The following GAREM1 variants were observed in gnomAD, a reference collection of about 807,000 sequenced individuals.
GAREM1 encodes the protein GRB2 associated regulator of MAPK1 subtype 1.
Under a neutral mutation model 71.3 loss-of-function variants are expected in GAREM1, and 26 were observed. The observed-to-expected ratio is 0.36, with a 90% CI of 0.27 to 0.51. GAREM1 has a LOEUF of 0.51. Among genes scored for constraint, GAREM1 ranks in the 20% least tolerant of loss-of-function variants. The pLI, the probability that GAREM1 is intolerant of heterozygous loss-of-function variation, is 0.95. For missense variants in GAREM1, 1,026 were observed against 1,103.1 expected (o/e 0.93, Z 0.99); for synonymous variants, 440 against 433.2 (o/e 1.02, Z -0.20).
intron 1 of GAREM1, among the ~76,000 whole-genome samples, chr18:32,415,298 A>G (rs2048456749): frequency 6.6e-6 from 1 of 152,026 alleles, no homozygotes; most frequent in Admixed American, 6.6e-5. Flanking sequence ...AATACCAATC[A>G]TACTCAAACT....
At chr18:32,459,745 G>A (rs941286692) in intron 1 of GAREM1, among the ~76,000 whole-genome samples, 11 of 152,114 alleles carry the variant, frequency 7.2e-5, no homozygotes, top group Non-Finnish European at 1.6e-4. Flanking sequence ...CTGGGGACCA[G>A]AAATGACAAT....
At chr18:32,300,830 C>T (rs1000552814) in intron 3 of GAREM1, among the ~76,000 whole-genome samples, 4 of 147,398 alleles carry the variant, frequency 2.7e-5, no homozygotes, top group East Asian at 4.0e-4. Context: ...CGCTTGAACC[C>T]GAGAGGCAGA....
At chr18:32,273,118 G>A (rs567694759) in intron 4 of GAREM1, among the ~76,000 whole-genome samples, 5 of 152,180 alleles carry the variant, frequency 3.3e-5, no homozygotes, top group Admixed American at 6.5e-5. Flanking sequence ...AATGTGAGAC[G>A]ATAAGGACTC....
chr18:32,319,315 G>A (rs561377508), intron 2 of GAREM1, among the ~76,000 whole-genome samples: 1 of 152,226 alleles, frequency 6.6e-6, no homozygotes, highest in Admixed American at 6.5e-5. Flanking sequence ...GTAGGAATGT[G>A]GACTTACAAA....
chr18:32,386,504 A>G (rs2048148225), intron 2 of GAREM1, among the ~76,000 whole-genome samples: 1 of 152,184 alleles, frequency 6.6e-6, no homozygotes, highest in African/African-American at 2.4e-5. Flanking sequence ...AGATCATTTT[A>G]GCTTGTTACA....
At chr18:32,392,204 T>TG (rs1599013948) in intron 2 of GAREM1, among the ~76,000 whole-genome samples, 1 of 109,280 alleles carries the variant, frequency 9.2e-6, no homozygotes, top group East Asian at 2.9e-4. Flanking sequence ...GTAACATAAG[T>TG]TTTTTTTTTT....
At chr18:32,303,251 G>A (rs1273647643) in intron 3 of GAREM1, among the ~76,000 whole-genome samples, 1 of 152,152 alleles carries the variant, frequency 6.6e-6, no homozygotes, top group Non-Finnish European at 1.5e-5. Flanking sequence ...TGAGACTTGA[G>A]AGTAGTAATT....
intron 2 of GAREM1, among the ~76,000 whole-genome samples, chr18:32,375,645 G>A (rs1266907681): frequency 2.0e-5 from 3 of 152,174 alleles, no homozygotes; most frequent in African/African-American, 7.2e-5. Context: ...TGCAGCCAAA[G>A]TGGAAATCAT....
chr18:32,300,918 AAAAAAAAAGAAG>A (rs2047195019), intron 3 of GAREM1, among the ~76,000 whole-genome samples: 2 of 151,970 alleles, frequency 1.3e-5, no homozygotes, highest in Non-Finnish European at 2.9e-5. Flanking sequence ...AAAAAAAAAA[AAAAAAAAAGAAG>A]AAGGCACAGT....
chr18:32,335,770 T>C (rs1255900111), intron 2 of GAREM1, among the ~76,000 whole-genome samples: 2 of 152,336 alleles, frequency 1.3e-5, no homozygotes, highest in South Asian at 2.1e-4. Context: ...CTGCATAATA[T>C]AATACCTTCT....
chr18:32,395,595 C>A (rs2048245635), intron 1 of GAREM1, among the ~76,000 whole-genome samples: 1 of 151,978 alleles, frequency 6.6e-6, no homozygotes, highest in Non-Finnish European at 1.5e-5. Flanking sequence ...AGGGAATGGG[C>A]AAAAATATAA....
chr18:32,378,009 T>C (rs1240211230), intron 2 of GAREM1, among the ~76,000 whole-genome samples: 1 of 147,966 alleles, frequency 6.8e-6, no homozygotes, highest in African/African-American at 2.5e-5. Flanking sequence ...ACTTACTATA[T>C]AACTGTGTGT....
At chr18:32,352,600 G>C (rs1455651029) in intron 2 of GAREM1, among the ~76,000 whole-genome samples, 1 of 152,106 alleles carries the variant, frequency 6.6e-6, no homozygotes, top group Non-Finnish European at 1.5e-5. Context: ...AGATAAAGTG[G>C]AACAGAAAGA....
intron 1 of GAREM1, among the ~76,000 whole-genome samples, chr18:32,443,184 A>G (rs2048755932): frequency 6.6e-6 from 1 of 152,192 alleles, no homozygotes; most frequent in South Asian, 2.1e-4. Flanking sequence ...TTAAAACCAT[A>G]AAACTCTTAG....
At chr18:32,460,173 A>G (rs1306953051) in intron 1 of GAREM1, among the ~76,000 whole-genome samples, 1 of 151,996 alleles carries the variant, frequency 6.6e-6, no homozygotes, top group Non-Finnish European at 1.5e-5. Context: ...AATTGGAGAA[A>G]AAACAACAAC....
chr18:32,352,020 T>C (rs1391177405), intron 2 of GAREM1, among the ~76,000 whole-genome samples: 1 of 152,140 alleles, frequency 6.6e-6, no homozygotes, highest in Non-Finnish European at 1.5e-5. Context: ...TACAAAGTAC[T>C]TTTAGAGCCA....
At chr18:32,305,527 T>C (rs2047245236) in intron 3 of GAREM1, among the ~76,000 whole-genome samples, 1 of 152,150 alleles carries the variant, frequency 6.6e-6, no homozygotes, top group Admixed American at 6.5e-5. Context: ...TCTTTTTTGT[T>C]GTTGTTTTTT....
At chr18:32,414,515 C>T (rs754930052) in intron 1 of GAREM1, among the ~76,000 whole-genome samples, 1 of 151,856 alleles carries the variant, frequency 6.6e-6, no homozygotes, top group Non-Finnish European at 1.5e-5. Context: ...TAATATCAAG[C>T]ACCTTCTTCT....
chr18:32,377,677 C>T (rs2048045054), intron 2 of GAREM1, among the ~76,000 whole-genome samples: 1 of 152,206 alleles, frequency 6.6e-6, no homozygotes, highest in Non-Finnish European at 1.5e-5. Flanking sequence ...AATTCTCCTG[C>T]CTCAGCCTCC....
Sources: gnomAD v4.1 joint callset for allele counts (sites outside exome capture counted in the v4.1 genomes callset) on GRCh38, gnomAD v4.1.1 for gene constraint, MANE v1.5 for transcripts, NCBI Gene and HGNC (gene_info 2026-07-23, HGNC 2026-07-21) for gene names.